Variants in SORCS1 observed in about 807,000 individuals in gnomAD.
The protein encoded by SORCS1 is sortilin related VPS10 domain containing receptor 1, also known as VPS10 domain-containing receptor SorCS1.
Under a neutral mutation model 146.1 loss-of-function variants are expected in SORCS1, and 60 were observed. That is an observed-to-expected ratio of 0.41 (90% confidence interval 0.33 to 0.51). The LOEUF is 0.51. Among genes scored for constraint, SORCS1 ranks in the 20% least tolerant of loss-of-function variants. The probability of loss-of-function intolerance (pLI) is 0.21; values close to 1 mark genes in which losing one functional copy is unlikely to be tolerated. For synonymous variants in SORCS1, 637 were observed against 584.0 expected (o/e 1.09, Z -1.31); for missense variants, 1,352 against 1,487.6 (o/e 0.91, Z 1.50).
intron 1 of SORCS1, among the ~76,000 whole-genome samples, chr10:107,027,051 T>C (rs1271554337): frequency 1.4e-5 from 2 of 147,028 alleles, no homozygotes; most frequent in African/African-American, 5.0e-5. Context: ...TATATATAAA[T>C]ATATAAAATA....
At chr10:106,972,760 A>G (rs1036793563) in intron 1 of SORCS1, among the ~76,000 whole-genome samples, 3 of 152,234 alleles carry the variant, frequency 2.0e-5, no homozygotes, top group African/African-American at 7.2e-5. Context: ...AGAAGGGGAC[A>G]ATCTCTAGCT....
intron 2 of SORCS1, among the ~76,000 whole-genome samples, chr10:106,889,888 T>TTAAAAAAA (rs1554875507): frequency 9.5e-4 from 68 of 71,678 alleles, no homozygotes; most frequent in African/African-American, 3.3e-3. Flanking sequence ...ACGTCTCAAA[T>TTAAAAAAA]AAAAAAAAAA....
At chr10:106,714,645 G>C (rs910188788) in intron 6 of SORCS1, among the ~76,000 whole-genome samples, 2 of 152,072 alleles carry the variant, frequency 1.3e-5, no homozygotes, top group African/African-American at 4.8e-5. Flanking sequence ...ATCTATAAAT[G>C]TATGTTTGCA....
intron 2 of SORCS1, among the ~76,000 whole-genome samples, chr10:106,953,640 G>A (rs918534167): frequency 6.6e-6 from 1 of 152,056 alleles, no homozygotes; most frequent in African/African-American, 2.4e-5. Context: ...AAACCTCGAA[G>A]GTATAGCATA....
chr10:106,586,861 C>T (rs567029454), intron 24 of SORCS1, among the ~76,000 whole-genome samples: 3 of 152,114 alleles, frequency 2.0e-5, no homozygotes, highest in African/African-American at 7.2e-5. Context: ...GAGGCTGAGG[C>T]AGACAGATCG....
intron 6 of SORCS1, among the ~76,000 whole-genome samples, chr10:106,715,174 T>C (rs746669207): frequency 6.6e-6 from 1 of 152,254 alleles, no homozygotes; most frequent in East Asian, 1.9e-4. Context: ...ACTCTTTCCA[T>C]ATTCAATTCT....
intron 2 of SORCS1, among the ~76,000 whole-genome samples, chr10:106,927,734 TC>T (rs1245102985): frequency 6.6e-6 from 1 of 152,026 alleles, no homozygotes; most frequent in Admixed American, 6.5e-5. Context: ...GTTCTCCAAG[TC>T]CCCACCAGAG....
intron 1 of SORCS1, among the ~76,000 whole-genome samples, chr10:106,957,591 A>G (rs1955024972): frequency 6.6e-6 from 1 of 152,198 alleles, no homozygotes; most frequent in East Asian, 1.9e-4. Context: ...TGGCAGGGCT[A>G]AACGACAGCA....
intron 2 of SORCS1, among the ~76,000 whole-genome samples, chr10:106,879,420 T>C (rs944320182): frequency 1.3e-5 from 2 of 152,254 alleles, no homozygotes; most frequent in African/African-American, 4.8e-5. Flanking sequence ...GGGGATTATT[T>C]AGTTATTTTT....
At chr10:106,924,270 A>AAAAAT (rs60551348) in intron 2 of SORCS1, among the ~76,000 whole-genome samples, 1 of 147,476 alleles carries the variant, frequency 6.8e-6, no homozygotes, top group Non-Finnish European at 1.5e-5. Flanking sequence ...AAAAAAAAAA[A>AAAAAT]CTACCTTTTA....
intron 2 of SORCS1, among the ~76,000 whole-genome samples, chr10:106,863,814 T>TAA (rs1223246386): frequency 7.4e-6 from 1 of 136,036 alleles, no homozygotes. Context: ...AGATTTTCCT[T>TAA]AAAAAAAAAA....
chr10:107,106,612 T>A (rs1240547697), intron 1 of SORCS1, among the ~76,000 whole-genome samples: 1 of 152,214 alleles, frequency 6.6e-6, no homozygotes, highest in East Asian at 1.9e-4. Flanking sequence ...CACTCAGCTC[T>A]CAGTATCAGG....
At chr10:107,028,675 G>A (rs1291290920) in intron 1 of SORCS1, among the ~76,000 whole-genome samples, 1 of 152,162 alleles carries the variant, frequency 6.6e-6, no homozygotes, top group Non-Finnish European at 1.5e-5. Flanking sequence ...ATTCAATCAA[G>A]CACTGTTGTA....
At chr10:107,061,171 A>G (rs1458454906) in intron 1 of SORCS1, among the ~76,000 whole-genome samples, 1 of 152,186 alleles carries the variant, frequency 6.6e-6, no homozygotes, top group Non-Finnish European at 1.5e-5. Context: ...AATTTTTACC[A>G]TTTCTTATCA....
At chr10:106,889,429 A>G (rs1951134315) in intron 2 of SORCS1, among the ~76,000 whole-genome samples, 1 of 152,092 alleles carries the variant, frequency 6.6e-6, no homozygotes, top group African/African-American at 2.4e-5. Context: ...ATCCATAACA[A>G]AAGAGAGCCC....
At chr10:106,806,780 G>A (rs185515246) in intron 3 of SORCS1, among the ~76,000 whole-genome samples, 1 of 151,850 alleles carries the variant, frequency 6.6e-6, no homozygotes, top group African/African-American at 2.4e-5. Flanking sequence ...CTCCTGGAGT[G>A]CTGGGATTAC....
At chr10:106,657,275 TA>T (rs1201369604) in intron 17 of SORCS1, among the ~76,000 whole-genome samples, 9 of 152,118 alleles carry the variant, frequency 5.9e-5, no homozygotes, top group Admixed American at 4.6e-4. Context: ...TACTCAGTCA[TA>T]AAAAAAGAAT....
At position 107,081,029 on chromosome 10, in the gene SORCS1, A is replaced by G. The variant is rs189832906; in HGVS notation, c.558+82940T>C. Among the ~76,000 whole-genome samples, 282 of 152,330 alleles carry G rather than the reference A, an allele frequency of 1.9e-3. 7 individuals are homozygous for G. Among genetic ancestry groups the G allele is most frequent in the Admixed American group, 0.016 (245 of 15,304 alleles). ...GATATCATTGCTATTCCCATTTTAT[A>G]CATGAATCAACAGAAGTTCAGAGAA... On this transcript the variant is annotated intron_variant, in intron 1 of 25. Coordinates refer to ENST00000263054, the MANE Select transcript of SORCS1 (RefSeq NM_052918.5).
intron 3 of SORCS1, among the ~76,000 whole-genome samples, chr10:106,806,059 CAA>C (rs368242771): frequency 6.0e-5 from 6 of 100,122 alleles, no homozygotes; most frequent in Admixed American, 1.2e-4. Flanking sequence ...GACTCCGTCT[CAA>C]AAAAAAAAAA....
Sources: allele counts gnomAD v4.1 joint callset (sites outside exome capture counted in the v4.1 genomes callset), GRCh38; gene constraint gnomAD v4.1.1; transcripts MANE v1.5; gene names NCBI Gene and HGNC (gene_info 2026-07-23, HGNC 2026-07-21).